The following TMPRSS11D variants were observed in gnomAD, a reference collection of about 807,000 sequenced individuals.
TMPRSS11D encodes transmembrane serine protease 11D, also known as transmembrane protease serine 11D.
A neutral mutation model predicts 44.4 loss-of-function variants in TMPRSS11D; 32 were observed. The ratio of observed to expected loss-of-function variants is 0.72; its 90% CI spans 0.54 to 0.97. The LOEUF (loss-of-function observed/expected upper bound fraction) is 0.97. Ranked by LOEUF, TMPRSS11D falls within the 50% of genes least tolerant of loss-of-function variation. The pLI is 0.00. For synonymous variants in TMPRSS11D, 179 were observed against 177.9 expected (o/e 1.01, Z -0.05); for missense variants, 446 against 502.6 (o/e 0.89, Z 1.08).
intron 4 of TMPRSS11D, among the ~76,000 whole-genome samples, chr4:67,841,540 A>G (rs1453672800): frequency 6.6e-6 from 1 of 152,130 alleles, no homozygotes; most frequent in African/African-American, 2.4e-5. Context: ...TTGATATTTT[A>G]TGGTGGTATT....
intron 2 of TMPRSS11D, among the ~76,000 whole-genome samples, chr4:67,857,346 C>A (rs1292618042): frequency 7.6e-6 from 1 of 131,880 alleles, no homozygotes; most frequent in Non-Finnish European, 1.6e-5. Context: ...CACACACACA[C>A]ATACACAATG....
chr4:67,883,874 C>T, intron 1 of TMPRSS11D, 52 bp downstream of exon 1: 7 of 1,487,322 alleles, frequency 4.7e-6, no homozygotes, highest in Non-Finnish European at 6.4e-6. Flanking sequence ...TTTTCCCATA[C>T]TGTAAGATAT....
At chr4:67,873,612 C>T (rs1287368997) in intron 1 of TMPRSS11D, among the ~76,000 whole-genome samples, 1 of 152,070 alleles carries the variant, frequency 6.6e-6, no homozygotes, top group African/African-American at 2.4e-5. Flanking sequence ...GTTGTTTAGT[C>T]CAGCACTTCT....
At chr4:67,867,584 C>T (rs1310354524) in intron 1 of TMPRSS11D, among the ~76,000 whole-genome samples, 2 of 152,092 alleles carry the variant, frequency 1.3e-5, no homozygotes, top group African/African-American at 2.4e-5. Context: ...ATGCATCTTA[C>T]AAAACACTAA....
intron 1 of TMPRSS11D, among the ~76,000 whole-genome samples, chr4:67,865,153 T>C (rs1718891016): frequency 6.6e-6 from 1 of 151,612 alleles, no homozygotes; most frequent in African/African-American, 2.4e-5. Context: ...AAAATCAAAA[T>C]CATATTTGAT....
At chr4:67,844,561 G>A (rs1433298106) in intron 3 of TMPRSS11D, among the ~76,000 whole-genome samples, 1 of 151,998 alleles carries the variant, frequency 6.6e-6, no homozygotes, top group East Asian at 1.9e-4. Flanking sequence ...ATCACTTGAG[G>A]TCAGGAGTTC....
chr4:67,833,382 C>A lies in TMPRSS11D; in HGVS notation c.515-1G>T. On this transcript the variant is annotated splice_acceptor_variant, in intron 6 of 9. Transcript: ENST00000283916. LOFTEE classifies it high-confidence loss of function. ...ATTAGGTCTGGACCGGCCCCACATT[C>A]TAATGAGAAAGGGCATTAATGTGCT... 1 of 1,488,486 alleles carries A rather than the reference C, an allele frequency of 6.7e-7. No individual in the cohort carries two copies. The allele number at this position is 1,488,486 out of a possible 1,614,324, so 92.2% of individuals were successfully genotyped here. A position where few individuals can be genotyped will look rare whatever the true frequency, so the allele number is the denominator to read the frequency against.
intron 4 of TMPRSS11D, among the ~76,000 whole-genome samples, chr4:67,839,820 C>CT (rs551422861): frequency 5.8e-4 from 85 of 146,890 alleles, no homozygotes; most frequent in East Asian, 1.4e-3. Flanking sequence ...CTCCCAGAAC[C>CT]TTTTTTTTTT....
chr4:67,835,410 T>A (rs1366342762), intron 5 of TMPRSS11D, among the ~76,000 whole-genome samples: 1 of 152,180 alleles, frequency 6.6e-6, no homozygotes, highest in African/African-American at 2.4e-5. Flanking sequence ...TATCTCTTTT[T>A]TCAAGTTACT....
At chr4:67,857,692 A>C (rs1718688333) in intron 2 of TMPRSS11D, among the ~76,000 whole-genome samples, 2 of 152,168 alleles carry the variant, frequency 1.3e-5, no homozygotes, top group South Asian at 4.1e-4. Context: ...AGAATGACAG[A>C]TACTAGAGAC....
intron 1 of TMPRSS11D, among the ~76,000 whole-genome samples, chr4:67,881,462 T>TCAAG (rs1395341251): frequency 2.6e-5 from 4 of 152,208 alleles, no homozygotes; most frequent in African/African-American, 9.7e-5. Context: ...AGCATGTGGC[T>TCAAG]CAAGATTTTA....
chr4:67,882,329 C>T (rs1394008858), intron 1 of TMPRSS11D, among the ~76,000 whole-genome samples: 1 of 151,998 alleles, frequency 6.6e-6, no homozygotes, highest in East Asian at 1.9e-4. Context: ...ATATGAATAC[C>T]TAGCTGCTAT....
At chr4:67,830,180 TTTAAA>T (rs1280998011) in intron 7 of TMPRSS11D, among the ~76,000 whole-genome samples, 1 of 152,070 alleles carries the variant, frequency 6.6e-6, no homozygotes, top group East Asian at 1.9e-4. Flanking sequence ...ATGCTACTTA[TTTAAA>T]TTAAAGACAT....
chr4:67,875,212 C>T (rs191859836), intron 1 of TMPRSS11D, among the ~76,000 whole-genome samples: 234 of 152,178 alleles, frequency 1.5e-3, no homozygotes, highest in African/African-American at 5.1e-3. Context: ...TCAGAGCTTA[C>T]GAAAGATGTT....
chr4:67,872,117 A>G (rs1719074149), intron 1 of TMPRSS11D, among the ~76,000 whole-genome samples: 2 of 152,166 alleles, frequency 1.3e-5, no homozygotes, highest in South Asian at 4.1e-4. Flanking sequence ...TGAGTTCTAC[A>G]AAGTGTAGTC....
rs767978771 is a variant in TMPRSS11D at position 67,835,102 on chromosome 4, T to C, written c.495A>G (p.Ala165=). The C allele has an allele frequency of 6.2e-7, 1 of 1,612,560 alleles. No individual in the cohort carries two copies. ...TEITSLTDQA[A]ANWLINECGA... Reference sequence around the variant, plus strand: ...ACTTACCATTAATAAGCCAATTTGCTGCAGCCTGGTCAGTAAGTGCTAGTA... The same window carrying C: ...ACTTACCATTAATAAGCCAATTTGCCGCAGCCTGGTCAGTAAGTGCTAGTA... The change falls in exon 6 of 10, where the codon GCA becomes GCG. Residue 165 remains alanine, a synonymous_variant. Coordinates refer to ENST00000283916, the MANE Select transcript of TMPRSS11D (RefSeq NM_004262.3).
chr4:67,858,089 CTG>C (rs1398939196), intron 2 of TMPRSS11D, among the ~76,000 whole-genome samples: 1 of 152,174 alleles, frequency 6.6e-6, no homozygotes, highest in African/African-American at 2.4e-5. Flanking sequence ...TGAAACATAT[CTG>C]TACACAACTC....
At chr4:67,871,622 T>A (rs1273630607) in intron 1 of TMPRSS11D, among the ~76,000 whole-genome samples, 1 of 152,232 alleles carries the variant, frequency 6.6e-6, no homozygotes, top group Non-Finnish European at 1.5e-5. Context: ...TAAAGACATA[T>A]TCTGATTACT....
At chr4:67,870,515 A>G (rs370893720) in intron 1 of TMPRSS11D, among the ~76,000 whole-genome samples, 98 of 152,282 alleles carry the variant, frequency 6.4e-4, no homozygotes, top group African/African-American at 2.2e-3. Context: ...TGACTACTCT[A>G]TTAAAAATTG....
Sources: allele counts gnomAD v4.1 joint callset (sites outside exome capture counted in the v4.1 genomes callset), GRCh38; gene constraint gnomAD v4.1.1; transcripts MANE v1.5; gene names NCBI Gene and HGNC (gene_info 2026-07-23, HGNC 2026-07-21).